GPR161: variants seen among roughly 807,000 people sequenced by gnomAD.
GPR161 encodes G protein-coupled receptor 161, also known as G-protein coupled receptor RE2.
A neutral mutation model predicts 39.2 loss-of-function variants in GPR161; 25 were observed. The ratio of observed to expected loss-of-function variants is 0.64; its 90% CI spans 0.47 to 0.89. GPR161 has a LOEUF of 0.89. GPR161 is among the 40% of genes least tolerant of loss of function. GPR161 has a pLI of 0.00. For synonymous variants in GPR161, 286 were observed against 276.6 expected (o/e 1.03, Z -0.34); for missense variants, 547 against 677.8 (o/e 0.81, Z 2.14).
At position 168,083,485 on chromosome 1, in the gene GPR161, GTC is replaced by G. The variant is rs1272475040; in HGVS notation, c.*2044_*2045del. 2 of 152,182 alleles carry G rather than the reference GTC, an allele frequency of 1.3e-5. No homozygotes were observed. The highest frequency in any genetic ancestry group is 2.4e-5 in the African/African-American group (1 of 41,416). The allele number at this position is 152,182 out of a possible 1,614,324, so 9.4% of individuals were successfully genotyped here. On this transcript the variant is annotated 3_prime_UTR_variant, in exon 6 of 6. Transcript: ENST00000682931. ...CCAGCAACCCATCCTAGAGATAAAGGTCTCTCTGCCCTGTTCCACCTCTGTGC... is the reference window on the plus strand; with the variant it reads ...CCAGCAACCCATCCTAGAGATAAAGGTCTCTGCCCTGTTCCACCTCTGTGC...
At position 168,104,591 on chromosome 1, in the gene GPR161, C is replaced by A; in HGVS notation, c.260G>T (p.Ser87Ile). ...SVLVLPFVVTSSIRREWIFGV... is the reference protein window; with the variant it reads ...SVLVLPFVVTISIRREWIFGV... ...AAAGATCCATTCCCTGCGGATGGAGCTCGTCACCACAAAAGGCAGCACCAA... is the reference window on the plus strand; with the variant it reads ...AAAGATCCATTCCCTGCGGATGGAGATCGTCACCACAAAAGGCAGCACCAA... Residue 87 changes from serine to isoleucine, a missense_variant, in exon 2 of 6, where the codon AGC becomes ATC. Physicochemically the swap from Ser to Ile is moderately radical, Grantham distance 142. Transcript: ENST00000682931. 1 of 1,613,978 alleles carries A rather than the reference C, an allele frequency of 6.2e-7. No individual in the cohort carries two copies. The highest frequency in any genetic ancestry group is 8.5e-7 in the Non-Finnish European group (1 of 1,179,964).
At chr1:168,110,583 AAAAGAAAAGAAAAG>A (rs1280232763) in intron 1 of GPR161, among the ~76,000 whole-genome samples, 2 of 110,240 alleles carry the variant, frequency 1.8e-5, no homozygotes, top group Admixed American at 1.0e-4. Flanking sequence ...AAAAGAAAAG[AAAAGAAAAGAAAAG>A]AGACAATAAA....
At chr1:168,097,810 G>T (rs1167105569) in intron 2 of GPR161, among the ~76,000 whole-genome samples, 3 of 152,176 alleles carry the variant, frequency 2.0e-5, no homozygotes, top group African/African-American at 7.2e-5. Flanking sequence ...CAGCAACTGT[G>T]AGCAGCGGAT....
Position 168,097,116 on chromosome 1 carries a change from A to C in GPR161, c.491T>G (p.Phe164Cys). The change falls in exon 3 of 6, where the codon TTT (phenylalanine) becomes TGT (cysteine). Residue 164 changes from phenylalanine to cysteine, a missense_variant. Transcript: ENST00000682931. ...HSLIGCLPPL[F>C]GWSSVEFDEF... ...GTCAAACTCCACGGATGACCAACCA[A>C]ACAGGGGTGGCAGGCAGCCGATGAG... 1 of 1,613,924 alleles carries C rather than the reference A, an allele frequency of 6.2e-7. No homozygotes were observed. Among genetic ancestry groups the C allele is most frequent in the Non-Finnish European group, 8.5e-7 (1 of 1,179,994 alleles).
At chr1:168,108,513 CTG>C (rs1696847132) in intron 1 of GPR161, among the ~76,000 whole-genome samples, 1 of 15,682 alleles carries the variant, frequency 6.4e-5, no homozygotes, top group Admixed American at 6.2e-4. Context: ...AAAAAAAAAA[CTG>C]GAAATAAGTG....
rs1195904574 is a variant in GPR161 at position 168,098,240 on chromosome 1, A to AGGAGAGAGAGTGCAGGAT, written c.375-1026_375-1009dup. The stretch of plus-strand genomic sequence containing the variant: ...GAGGCTGCATGGAGCTCCACCTGGC[A>AGGAGAGAGAGTGCAGGAT]GGAGAGAGAGTGCAGGATGGAGAGA... On this transcript the variant is annotated intron_variant, in intron 2 of 5. Transcript: ENST00000682931. The surrounding 1 kb of genome is among the most constrained non-coding windows in gnomAD (Gnocchi z 4.1). Among the ~76,000 whole-genome samples, 1 of 152,208 alleles carries AGGAGAGAGAGTGCAGGAT rather than the reference A, an allele frequency of 6.6e-6. No individual in the cohort carries two copies.
At chr1:168,131,874 T>C (rs1699014695) in intron 1 of GPR161, among the ~76,000 whole-genome samples, 1 of 152,066 alleles carries the variant, frequency 6.6e-6, no homozygotes, top group Non-Finnish European at 1.5e-5. Flanking sequence ...TACAAACAAC[T>C]CAGTTAAAAA....
chr1:168,088,777 T>G (rs1694784413), intron 4 of GPR161: 1 of 152,210 alleles, frequency 6.6e-6, no homozygotes, highest in Non-Finnish European at 1.5e-5. Flanking sequence ...ACACCAGATC[T>G]GTGTGCCCCG....
chr1:168,090,719 G>T, intron 3 of GPR161, 51 bp from the exon 4 acceptor site: 1 of 1,058,744 alleles, frequency 9.4e-7, no homozygotes. Flanking sequence ...GCAAGGAGGG[G>T]CCCCAGCCTC....
intron 1 of GPR161, among the ~76,000 whole-genome samples, chr1:168,112,319 A>G (rs964303205): frequency 6.6e-5 from 10 of 151,958 alleles, no homozygotes; most frequent in Non-Finnish European, 1.2e-4. Context: ...TCTCTACTAA[A>G]AATACAAAAA....
chr1:168,110,905 C>T (rs1465874637), intron 1 of GPR161, among the ~76,000 whole-genome samples: 1 of 129,334 alleles, frequency 7.7e-6, no homozygotes, highest in Admixed American at 8.6e-5. Flanking sequence ...GCCTGGGAGA[C>T]AAGAGCAAAA....
chr1:168,126,957 C>G (rs1000166827), intron 1 of GPR161, among the ~76,000 whole-genome samples: 1 of 152,158 alleles, frequency 6.6e-6, no homozygotes, highest in African/African-American at 2.4e-5. Context: ...AAACCCAGGT[C>G]TGAATTCCCT....
At chr1:168,094,959 C>T (rs184475927) in intron 3 of GPR161, among the ~76,000 whole-genome samples, 43 of 152,332 alleles carry the variant, frequency 2.8e-4, no homozygotes, top group Admixed American at 2.5e-3. Context: ...ATGGGAAAAT[C>T]AGCAGCTTTA....
In GPR161 at chr1:168,096,728, C is replaced by T. The variant is rs748017822; in HGVS notation, c.879G>A (p.Glu293=). ...WGPYMVVIAS[E]ALWGKSSVSP... ...AGACGGAGCTTTTCCCCCAGAGGGCCTCAGAGGCGATGACAACCATGTAGG... is the reference window on the plus strand; with the variant it reads ...AGACGGAGCTTTTCCCCCAGAGGGCTTCAGAGGCGATGACAACCATGTAGG... Residue 293 remains glutamate (E), a synonymous_variant, in exon 3 of 6, where the codon GAG becomes GAA. Transcript: ENST00000682931. 1 of 1,614,108 alleles carries T rather than the reference C, an allele frequency of 6.2e-7. No homozygotes were observed. The highest frequency in any genetic ancestry group is 8.5e-7 in the Non-Finnish European group (1 of 1,180,026).
chr1:168,131,927 C>T (rs541772020), intron 1 of GPR161, among the ~76,000 whole-genome samples: 23 of 152,240 alleles, frequency 1.5e-4, no homozygotes, highest in African/African-American at 4.3e-4. Flanking sequence ...GAAGTGTAAG[C>T]AATCAATTTA....
chr1:168,105,507 A>C (rs1339879086), intron 1 of GPR161, among the ~76,000 whole-genome samples: 6 of 152,210 alleles, frequency 3.9e-5, no homozygotes, highest in Admixed American at 6.5e-5. Context: ...TGCACATTAC[A>C]ATTTGACTGT....
intron 1 of GPR161, among the ~76,000 whole-genome samples, chr1:168,110,903 G>A (rs1488087052): frequency 2.1e-5 from 3 of 141,780 alleles, no homozygotes; most frequent in South Asian, 4.4e-4. Context: ...CAGCCTGGGA[G>A]ACAAGAGCAA....
At chr1:168,103,917 G>C (rs1350104245) in intron 2 of GPR161, among the ~76,000 whole-genome samples, 1 of 152,216 alleles carries the variant, frequency 6.6e-6, no homozygotes, top group African/African-American at 2.4e-5. Flanking sequence ...CATCAGCTGC[G>C]CCTGACCTCC....
chr1:168,112,693 C>A (rs906461369), intron 1 of GPR161, among the ~76,000 whole-genome samples: 7 of 151,176 alleles, frequency 4.6e-5, no homozygotes, highest in Admixed American at 2.0e-4. Flanking sequence ...TCCATCTCTA[C>A]GAAAAATACA....
Sources: gnomAD v4.1 joint callset for allele counts (sites outside exome capture counted in the v4.1 genomes callset) on GRCh38, gnomAD v4.1.1 for gene constraint, Gnocchi (gnomAD v3.1) non-coding constraint, MANE v1.5 for transcripts, NCBI Gene and HGNC (gene_info 2026-07-23, HGNC 2026-07-21) for gene names.